Variants in R3HDM2 observed in about 807,000 individuals in gnomAD.
R3HDM2 encodes R3H domain-containing protein 2.
R3HDM2 carries 38 observed loss-of-function variants against 124.5 expected under a neutral mutation model. The ratio of observed to expected loss-of-function variants is 0.31; its 90% CI spans 0.24 to 0.40. The LOEUF (loss-of-function observed/expected upper bound fraction) is 0.40. R3HDM2 is among the 10% of genes least tolerant of loss of function. The pLI, the probability that R3HDM2 is intolerant of heterozygous loss-of-function variation, is 1.00. For synonymous variants in R3HDM2, 391 were observed against 448.0 expected (o/e 0.87, Z 1.61); for missense variants, 869 against 1,236.9 (o/e 0.70, Z 4.46).
chr12:57,307,306 G>GT (rs770961900), intron 3 of R3HDM2, among the ~76,000 whole-genome samples: 39,149 of 133,350 alleles, frequency 0.29, 5,281 homozygotes, highest in South Asian at 0.45. Context: ...GAAATGCTGG[G>GT]TTTTTTTGTT....
At chr12:57,275,334 A>G (rs1378172618) in intron 14 of R3HDM2, among the ~76,000 whole-genome samples, 2 of 152,142 alleles carry the variant, frequency 1.3e-5, no homozygotes, top group African/African-American at 4.8e-5. Context: ...TGGATTAAGG[A>G]CTTAAATCTA....
intron 1 of R3HDM2, among the ~76,000 whole-genome samples, chr12:57,416,763 G>A (rs1385048707): frequency 6.6e-6 from 1 of 151,460 alleles, no homozygotes; most frequent in East Asian, 1.9e-4. Context: ...AGCTGAGACT[G>A]CGCCACTGCA....
At chr12:57,399,760 A>G (rs2067882436) in intron 1 of R3HDM2, among the ~76,000 whole-genome samples, 3 of 152,206 alleles carry the variant, frequency 2.0e-5, no homozygotes, top group Non-Finnish European at 4.4e-5. Context: ...TAATGGTGTC[A>G]TTATACTAAA....
intron 1 of R3HDM2, among the ~76,000 whole-genome samples, chr12:57,403,641 T>C (rs1347239457): frequency 6.6e-6 from 1 of 151,930 alleles, no homozygotes; most frequent in African/African-American, 2.4e-5. Flanking sequence ...AAAACCCGTC[T>C]CTTCTAAAAA....
chr12:57,333,380 A>G (rs2058443177), intron 2 of R3HDM2, among the ~76,000 whole-genome samples: 1 of 152,190 alleles, frequency 6.6e-6, no homozygotes, highest in South Asian at 2.1e-4. Context: ...CAGATTTAAA[A>G]GCTATCAAAA....
At position 57,391,016 on chromosome 12, in the gene R3HDM2, T is replaced by TA. The variant is rs1254447824; in HGVS notation, c.-36+4732dup. Among the ~76,000 whole-genome samples, 415 of 90,322 alleles carry TA rather than the reference T, an allele frequency of 4.6e-3. 2 individuals are homozygous for TA. Among genetic ancestry groups the TA allele is most frequent in the African/African-American group, 0.012 (305 of 24,594 alleles). 59.3% of individuals were successfully genotyped at this position (90,322 alleles called of 152,430 possible). On this transcript the variant is annotated intron_variant, in intron 2 of 23. Transcript: ENST00000402412. The stretch of plus-strand genomic sequence containing the variant: ...AACAACAACAAAACTCCGTCTCAAA[T>TA]AAAAAAAAAAAAAAGAAAGAAAGAA...
intron 2 of R3HDM2, among the ~76,000 whole-genome samples, chr12:57,330,490 C>G (rs1440548542): frequency 6.6e-6 from 1 of 151,000 alleles, no homozygotes; most frequent in East Asian, 2.0e-4. Context: ...ATTACAGGCA[C>G]GCACCACCAC....
chr12:57,354,225 C>T (rs536208496), intron 2 of R3HDM2, among the ~76,000 whole-genome samples: 1 of 151,966 alleles, frequency 6.6e-6, no homozygotes, highest in African/African-American at 2.4e-5. Flanking sequence ...TTATCAGTAA[C>T]ATGAGAATTC....
At position 57,266,823 on chromosome 12, in the gene R3HDM2, A is replaced by G. The variant is rs774725583; in HGVS notation, c.2039T>C (p.Val680Ala). 1 of 1,599,844 alleles carries G rather than the reference A, an allele frequency of 6.3e-7. No individual in the cohort carries two copies. The highest frequency in any genetic ancestry group is 1.1e-5 in the South Asian group (1 of 90,482). The change falls in exon 19 of 24, where the codon GTA (valine) becomes GCA (alanine). Residue 680 changes from valine (V) to alanine (A), a missense_variant. Around this residue, in one of 2 missense-constraint regions of R3HDM2, gnomAD observed 602 missense variants for 789.2 expected, o/e 0.76. Coordinates refer to ENST00000402412, the MANE Select transcript of R3HDM2 (RefSeq NM_001394031.1). ...AGAGCCAGGGGGTTGCAGAAACCCTACAGAAGGGCTGGGAAGACAGAGAAG... is the reference window on the plus strand; with the variant it reads ...AGAGCCAGGGGGTTGCAGAAACCCTGCAGAAGGGCTGGGAAGACAGAGAAG... ...PAQQNGTSPS[V>A]GFLQPPGSEQ... is the part of the protein sequence containing the mutation.
chr12:57,411,459 A>G lies in R3HDM2; in HGVS notation c.-105-15641T>C, dbSNP rs150356204. Among the ~76,000 whole-genome samples the G allele has an allele frequency of 2.1e-3, 324 of 152,312 alleles. 9 individuals are homozygous for G. In the East Asian group the frequency reaches 0.05, roughly 23 times the overall value. ...GATTACAGGCATGAGCCATGGCCTA[A>G]TATGCAGAATTGTAACTATTTCAAA... On this transcript the variant is annotated intron_variant, in intron 1 of 23. Coordinates refer to ENST00000402412, the MANE Select transcript of R3HDM2 (RefSeq NM_001394031.1).
At chr12:57,308,543 G>A (rs1312341931) in intron 3 of R3HDM2, among the ~76,000 whole-genome samples, 4 of 151,858 alleles carry the variant, frequency 2.6e-5, no homozygotes, top group South Asian at 4.2e-4. Flanking sequence ...AAAATTAGCC[G>A]GGTGTCGTGG....
At chr12:57,338,822 GGAGA>G (rs143852540) in intron 2 of R3HDM2, among the ~76,000 whole-genome samples, 10 of 149,408 alleles carry the variant, frequency 6.7e-5, no homozygotes, top group South Asian at 2.1e-4. Flanking sequence ...TTTTTCAAAG[GGAGA>G]GAGAGAGAGA....
intron 1 of R3HDM2, among the ~76,000 whole-genome samples, chr12:57,409,954 G>A (rs2068864134): frequency 1.3e-5 from 2 of 151,934 alleles, no homozygotes; most frequent in African/African-American, 2.4e-5. Context: ...GAGAGAATAT[G>A]TAGATTTGTT....
intron 1 of R3HDM2, among the ~76,000 whole-genome samples, chr12:57,423,075 G>A (rs2070361439): frequency 6.6e-6 from 1 of 152,210 alleles, no homozygotes; most frequent in Non-Finnish European, 1.5e-5. Context: ...TGAAGAAGGA[G>A]AGGGGTCAAC....
intron 2 of R3HDM2, among the ~76,000 whole-genome samples, chr12:57,314,104 C>T (rs184650997): frequency 1.3e-5 from 2 of 151,990 alleles, no homozygotes; most frequent in African/African-American, 4.8e-5. Context: ...AGGAGAATCA[C>T]TTGAACCAGC....
intron 12 of R3HDM2, among the ~76,000 whole-genome samples, chr12:57,285,444 A>AGTGT (rs1157891009): frequency 1.4e-5 from 2 of 140,586 alleles, no homozygotes; most frequent in African/African-American, 5.1e-5. Context: ...AGAGAGAGAG[A>AGTGT]GAGTGTGTGT....
intron 22 of R3HDM2, 83 bp downstream of exon 22, chr12:57,256,331 C>T (rs1356088950): frequency 2.5e-6 from 3 of 1,205,438 alleles, no homozygotes; most frequent in African/African-American, 3.1e-5. Flanking sequence ...CCCTTGTATA[C>T]CCAGCTGGTT....
In R3HDM2 at chr12:57,404,064, A is replaced by ATTTT. The variant is rs767234283; in HGVS notation, c.-105-8250_-105-8247dup. 3.6e-4 allele frequency among the ~76,000 whole-genome samples: 28 copies of ATTTT among 77,046 alleles called. 1 individual carries two copies. In the East Asian group the frequency reaches 6.9e-3, roughly 19 times the overall value. 50.5% of individuals were successfully genotyped at this position (77,046 alleles called of 152,430 possible). On this transcript the variant is annotated intron_variant, in intron 1 of 23. Transcript: ENST00000402412. ...ATAAAATAAAAAAAGTCCACTCCTAATTTTTTTTTTTTTTTTTGAGATGGA... is the reference window on the plus strand; with the variant it reads ...ATAAAATAAAAAAAGTCCACTCCTAATTTTTTTTTTTTTTTTTTTTTGAGATGGA...
intron 12 of R3HDM2, among the ~76,000 whole-genome samples, chr12:57,288,378 G>GTCTC (rs762285422): frequency 6.6e-6 from 1 of 150,658 alleles, no homozygotes; most frequent in Non-Finnish European, 1.5e-5. Flanking sequence ...GTCCGTATAT[G>GTCTC]TCTCTCTCTC....
Sources: allele counts gnomAD v4.1 joint callset (sites outside exome capture counted in the v4.1 genomes callset), GRCh38; gene constraint gnomAD v4.1.1; regional missense constraint gnomAD v4.1.1; transcripts MANE v1.5; gene names NCBI Gene and HGNC (gene_info 2026-07-23, HGNC 2026-07-21).